DPP10: variants seen among roughly 807,000 people sequenced by gnomAD.
DPP10 encodes the protein dipeptidyl peptidase like 10.
Under a neutral mutation model 120.9 loss-of-function variants are expected in DPP10, and 33 were observed. That is an observed-to-expected ratio of 0.27 (90% CI 0.21 to 0.37). The LOEUF is 0.37. Among genes scored for constraint, DPP10 ranks in the 10% least tolerant of loss-of-function variants. DPP10 has a pLI of 1.00. For synonymous variants in DPP10, 337 were observed against 326.1 expected (o/e 1.03, Z -0.36); for missense variants, 816 against 942.8 (o/e 0.87, Z 1.76).
chr2:115,535,636 C>A, intron 5 of DPP10, among the ~76,000 whole-genome samples: 1 of 149,840 alleles, frequency 6.7e-6, no homozygotes, highest in Non-Finnish European at 1.5e-5. Context: ...GTAGTTTTTT[C>A]CAATTCTGTG....
chr2:115,570,353 T>TA (rs969312901), intron 5 of DPP10, among the ~76,000 whole-genome samples: 1 of 152,194 alleles, frequency 6.6e-6, no homozygotes, highest in Non-Finnish European at 1.5e-5. Flanking sequence ...CCATTTAACT[T>TA]AATCACCCTA....
chr2:115,043,607 C>A (rs1008601436), intron 1 of DPP10, among the ~76,000 whole-genome samples: 6 of 152,132 alleles, frequency 3.9e-5, no homozygotes, highest in African/African-American at 1.2e-4. Flanking sequence ...AAATTAACTG[C>A]GTTCTAGATT....
intron 19 of DPP10, among the ~76,000 whole-genome samples, chr2:115,806,126 A>G (rs1209534606): frequency 6.6e-6 from 1 of 152,174 alleles, no homozygotes; most frequent in Non-Finnish European, 1.5e-5. Context: ...TCAGAAAAAG[A>G]CCCATAATTA....
intron 5 of DPP10, among the ~76,000 whole-genome samples, chr2:115,661,938 C>T (rs1304301643): frequency 6.6e-6 from 1 of 152,158 alleles, no homozygotes; most frequent in African/African-American, 2.4e-5. Context: ...CAACTATAGT[C>T]ATAGTGTTGT....
At chr2:114,582,164 C>T (rs1180167824) in intron 1 of DPP10, among the ~76,000 whole-genome samples, 1 of 152,150 alleles carries the variant, frequency 6.6e-6, no homozygotes, top group African/African-American at 2.4e-5. Flanking sequence ...TTTTATGTCT[C>T]CATAGTTTTG....
chr2:115,463,579 A>G (rs564301366), intron 3 of DPP10, among the ~76,000 whole-genome samples: 2 of 152,268 alleles, frequency 1.3e-5, no homozygotes, highest in East Asian at 1.9e-4. Context: ...CTTCACCTCA[A>G]ATACACAAAG....
chr2:115,240,914 C>T (rs926134776), intron 1 of DPP10, among the ~76,000 whole-genome samples: 2 of 152,164 alleles, frequency 1.3e-5, no homozygotes, highest in African/African-American at 4.8e-5. Context: ...GCCTTTTCCT[C>T]TAAAGTTGTA....
At chr2:114,827,509 A>C (rs1319026685) in intron 1 of DPP10, among the ~76,000 whole-genome samples, 1 of 152,150 alleles carries the variant, frequency 6.6e-6, no homozygotes, top group African/African-American at 2.4e-5. Context: ...ACTACTTAAT[A>C]ATTGTCTATA....
Position 115,498,599 on chromosome 2 carries a change from T to C in DPP10, c.272-911T>C, listed in dbSNP as rs145755013. 7.5e-3 allele frequency among the ~76,000 whole-genome samples: 1,130 copies of C among 151,408 alleles called. 6 individuals carry two copies. The highest frequency in any genetic ancestry group is 0.025 in the African/African-American group (1,027 of 41,406). On this transcript the variant is annotated intron_variant, in intron 3 of 25. Transcript: ENST00000410059. ...ATGTGTAAGCAAGAAAAGGCTAGAA[T>C]TGGGTAAAATTGGGTAAAAAGATTA...
At chr2:115,300,968 G>C (rs1173691236) in intron 1 of DPP10, among the ~76,000 whole-genome samples, 1 of 151,996 alleles carries the variant, frequency 6.6e-6, no homozygotes, top group African/African-American at 2.4e-5. Flanking sequence ...ACTGTAGACT[G>C]TGTGGAGGAA....
rs1266111038 is a variant in DPP10, at chr2:114,501,402, A to G, written c.60+58564A>G. Among the ~76,000 whole-genome samples, 4 of 152,178 alleles carry G rather than the reference A, an allele frequency of 2.6e-5. No individual in the cohort carries two copies. The East Asian group carries it at 7.7e-4, about 29-fold the overall frequency. Reference sequence around the variant, plus strand: ...TGTCCCAGCCTTTGTGTTTTGATGAACAAGAATATATTTTTAAAAAATTAA... The same window carrying G: ...TGTCCCAGCCTTTGTGTTTTGATGAGCAAGAATATATTTTTAAAAAATTAA... On this transcript the variant is annotated intron_variant, in intron 1 of 25. Coordinates refer to ENST00000410059, the MANE Select transcript of DPP10 (RefSeq NM_020868.6).
chr2:114,457,181 G>A (rs1451182150), intron 1 of DPP10, among the ~76,000 whole-genome samples: 1 of 152,170 alleles, frequency 6.6e-6, no homozygotes, highest in Non-Finnish European at 1.5e-5. Context: ...GACTCTGTTG[G>A]TCAATACAAA....
intron 1 of DPP10, among the ~76,000 whole-genome samples, chr2:115,227,633 T>A (rs1239964948): frequency 6.6e-6 from 1 of 152,148 alleles, no homozygotes; most frequent in Non-Finnish European, 1.5e-5. Flanking sequence ...ATAGTTTTGC[T>A]TTAGCAGATT....
intron 5 of DPP10, among the ~76,000 whole-genome samples, chr2:115,563,825 C>T (rs1366501115): frequency 1.3e-5 from 2 of 152,014 alleles, no homozygotes; most frequent in African/African-American, 4.8e-5. Context: ...GGGGGATGTG[C>T]CCAAGAGCTG....
intron 1 of DPP10, among the ~76,000 whole-genome samples, chr2:115,046,477 G>A (rs1396929): frequency 0.97 from 147,306 of 152,202 alleles, 71,494 homozygotes; most frequent in Middle Eastern, 1. Context: ...AATTTTTCTC[G>A]AAAGGGCCAT....
In DPP10 at chr2:115,806,346, A is replaced by G. The variant is rs201825325; in HGVS notation, c.1701-8447A>G. ...TATGGTTTATAATTTCTTTACCGCT[A>G]TATGTCGGTTTACTAAGTTGCAAGA... On this transcript the variant is annotated intron_variant, in intron 19 of 25. Transcript: ENST00000410059. Among the ~76,000 whole-genome samples, 12 of 152,262 alleles carry G rather than the reference A, an allele frequency of 7.9e-5. No homozygotes were observed. The East Asian group carries it at 1.9e-3, about 25-fold the overall frequency.
chr2:115,097,788 G>C (rs147284024), intron 1 of DPP10, among the ~76,000 whole-genome samples: 2 of 152,210 alleles, frequency 1.3e-5, no homozygotes, highest in East Asian at 3.9e-4. Flanking sequence ...ACAGTTTTTT[G>C]AATAGTCCTT....
At chr2:115,020,483 C>T (rs1702990833) in intron 1 of DPP10, among the ~76,000 whole-genome samples, 1 of 151,984 alleles carries the variant, frequency 6.6e-6, no homozygotes, top group South Asian at 2.1e-4. Context: ...TATATATGCA[C>T]CTAACACTGG....
At chr2:115,357,846 C>A (rs148796307) in intron 3 of DPP10, among the ~76,000 whole-genome samples, 2 of 152,270 alleles carry the variant, frequency 1.3e-5, no homozygotes, top group Non-Finnish European at 2.9e-5. Context: ...CCCATAGGAC[C>A]AACACCATGT....
Sources: allele counts gnomAD v4.1 joint callset (sites outside exome capture counted in the v4.1 genomes callset), GRCh38; gene constraint gnomAD v4.1.1; transcripts MANE v1.5; gene names NCBI Gene and HGNC (gene_info 2026-07-23, HGNC 2026-07-21).